SYCP2L: variants seen among roughly 807,000 people sequenced by gnomAD.
SYCP2L encodes synaptonemal complex protein 2-like.
In SYCP2L, 98 loss-of-function variants were observed where a neutral mutation model predicts 125.8. The observed-to-expected ratio is 0.78, with a 90% CI of 0.66 to 0.92. The LOEUF (loss-of-function observed/expected upper bound fraction) is 0.92. Ranked by LOEUF, SYCP2L falls within the 40% of genes least tolerant of loss-of-function variation. The pLI, the probability that SYCP2L is intolerant of heterozygous loss-of-function variation, is 0.00. For missense variants in SYCP2L, 842 were observed against 936.4 expected, an observed-to-expected ratio of 0.90 and a Z score of 1.32; for synonymous variants, 317 against 325.4, an observed-to-expected ratio of 0.97 and a Z score of 0.28.
intron 14 of SYCP2L, among the ~76,000 whole-genome samples, chr6:10,913,564 G>A (rs1257893347): frequency 6.6e-6 from 1 of 151,900 alleles, no homozygotes; most frequent in Non-Finnish European, 1.5e-5. Context: ...CTTTTGGATG[G>A]GATTTTTTTT....
chr6:10,946,427 T>C (rs908670665), intron 23 of SYCP2L, among the ~76,000 whole-genome samples: 1 of 152,160 alleles, frequency 6.6e-6, no homozygotes, highest in Non-Finnish European at 1.5e-5. Flanking sequence ...TTTAATTTAG[T>C]GTTACTTTTC....
At chr6:10,905,638 A>T (rs533789356) in intron 8 of SYCP2L, among the ~76,000 whole-genome samples, 1 of 152,212 alleles carries the variant, frequency 6.6e-6, no homozygotes, top group African/African-American at 2.4e-5. Context: ...GGAAAGAATC[A>T]CTGTCGTATC....
chr6:10,938,003 A>G (rs570185991), intron 21 of SYCP2L, among the ~76,000 whole-genome samples: 8 of 152,194 alleles, frequency 5.3e-5, no homozygotes, highest in Non-Finnish European at 8.8e-5. Context: ...ATTAATGCCA[A>G]TCCTTTTCAA....
chr6:10,909,302 AT>A (rs1256212337), intron 10 of SYCP2L, among the ~76,000 whole-genome samples: 2 of 151,260 alleles, frequency 1.3e-5, no homozygotes, highest in African/African-American at 4.9e-5. Flanking sequence ...CTAATTTTGT[AT>A]TTTTAGTAGA....
intron 8 of SYCP2L, among the ~76,000 whole-genome samples, chr6:10,904,529 T>C (rs1009169810): frequency 6.6e-6 from 1 of 152,350 alleles, no homozygotes; most frequent in East Asian, 1.9e-4. Context: ...TTTAATACGT[T>C]AGTGAAATCA....
Position 10,912,743 on chromosome 6 carries a change from C to T in SYCP2L, c.989C>T (p.Thr330Ile). 1 of 1,613,754 alleles carries T rather than the reference C, an allele frequency of 6.2e-7. No homozygotes were observed. The highest frequency in any genetic ancestry group is 8.5e-7 in the Non-Finnish European group (1 of 1,179,880). ...TTCAACCTAGGAAGTCAGAGTGTCA[C>T]TTTTTATATAGACAATGCTGAGGTA... ...IDFNLGSQSV[T>I]FYIDNAENTL... is the part of the protein sequence containing the mutation. Residue 330 changes from threonine to isoleucine, a missense_variant, in exon 13 of 30, where the codon ACT (threonine) becomes ATT (isoleucine). By Grantham distance (89) the Thr-to-Ile change is moderately conservative. Transcript: ENST00000283141. This position sits in a 1 kb window ranked among gnomAD's most constrained non-coding sequence, Gnocchi z 4.1.
chr6:10,930,508 T>C lies in SYCP2L; in HGVS notation c.1627T>C (p.Leu543=). 1 of 1,609,816 alleles carries C rather than the reference T, an allele frequency of 6.2e-7. No homozygotes were observed. Among genetic ancestry groups the C allele is most frequent in the South Asian group, 1.1e-5 (1 of 90,068 alleles). ...SRKKTRTRSN[L]RILPVFPPSS... ...AAAGAAGACAAGAACCAGAAGTAAT[T>C]TGAGAAGTAAGTCTGGCATGTCTTC... The change falls in exon 19 of 30, where the codon TTG becomes CTG. Residue 543 remains leucine, a synonymous_variant. Coordinates refer to ENST00000283141, the MANE Select transcript of SYCP2L (RefSeq NM_001040274.3).
rs191848438 is a variant in SYCP2L at position 10,890,178 on chromosome 6, G to A, written c.10-1335G>A. ...GAATAGCGCTGCAGTAAACATGGGAGTGCAGATATGCCTTTGACATACTGA... is the reference window on the plus strand; with the variant it reads ...GAATAGCGCTGCAGTAAACATGGGAATGCAGATATGCCTTTGACATACTGA... On this transcript the variant is annotated intron_variant, in intron 1 of 29. Coordinates refer to ENST00000283141, the MANE Select transcript of SYCP2L (RefSeq NM_001040274.3). 1.4e-4 allele frequency among the ~76,000 whole-genome samples: 22 copies of A among 152,340 alleles called. No homozygotes were observed. The East Asian group carries it at 3.5e-3, about 24-fold the overall frequency.
At chr6:10,955,709 G>A (rs72823365) in intron 24 of SYCP2L, among the ~76,000 whole-genome samples, 1 of 152,278 alleles carries the variant, frequency 6.6e-6, no homozygotes, top group Non-Finnish European at 1.5e-5. Context: ...GAGCATGCAA[G>A]ACTTATGCAA....
At chr6:10,943,927 A>G (rs183972772) in intron 23 of SYCP2L, among the ~76,000 whole-genome samples, 1 of 152,292 alleles carries the variant, frequency 6.6e-6, no homozygotes, top group African/African-American at 2.4e-5. Context: ...ACATGAAAAT[A>G]CCATATTTAA....
intron 15 of SYCP2L, among the ~76,000 whole-genome samples, chr6:10,925,723 C>A (rs1380702001): frequency 6.6e-6 from 1 of 151,944 alleles, no homozygotes; most frequent in African/African-American, 2.4e-5. Flanking sequence ...GGTCTTTTTA[C>A]AAAAAGGCCA....
chr6:10,958,736 T>A (rs1213685354), intron 25 of SYCP2L, 48 bp from the exon 26 acceptor site: 1 of 1,529,920 alleles, frequency 6.5e-7, no homozygotes, highest in Admixed American at 1.9e-5. Flanking sequence ...ACTCAACTTA[T>A]GTAATTATAT....
At chr6:10,910,052 A>G (rs780639173) in intron 10 of SYCP2L, 96 bp from the exon 11 acceptor site, 6 of 944,668 alleles carry the variant, frequency 6.4e-6, no homozygotes, top group South Asian at 1.5e-5. Context: ...CCTCCTGGTC[A>G]TTTAGAAGCA....
At chr6:10,894,645 C>A (rs1303965609) in intron 4 of SYCP2L, among the ~76,000 whole-genome samples, 1 of 152,168 alleles carries the variant, frequency 6.6e-6, no homozygotes, top group African/African-American at 2.4e-5. Context: ...TCTGAAAAAA[C>A]AAATAGCAGA....
At chr6:10,888,990 T>C (rs1280695896) in intron 1 of SYCP2L, among the ~76,000 whole-genome samples, 1 of 152,006 alleles carries the variant, frequency 6.6e-6, no homozygotes, top group Non-Finnish European at 1.5e-5. Flanking sequence ...GCCTCACGAG[T>C]AGCTGGGTCT....
At chr6:10,933,562 C>G (rs1781036648) in intron 20 of SYCP2L, among the ~76,000 whole-genome samples, 1 of 152,150 alleles carries the variant, frequency 6.6e-6, no homozygotes, top group Non-Finnish European at 1.5e-5. Context: ...ATGTGCCAGT[C>G]TAGACCACAC....
In SYCP2L at chr6:10,962,725, G is replaced by T. The variant is rs111981329; in HGVS notation, c.2415-1057G>T. ...TATGACTTTTCAGAACAAGAAGCATGTGGGAAGAATAGCATTGCTTCATGT... is the reference window on the plus strand; with the variant it reads ...TATGACTTTTCAGAACAAGAAGCATTTGGGAAGAATAGCATTGCTTCATGT... On this transcript the variant is annotated intron_variant, in intron 28 of 29. Transcript: ENST00000283141. Among the ~76,000 whole-genome samples the T allele has an allele frequency of 2.4e-3, 370 of 152,302 alleles. 1 individual carries two copies. The highest frequency in any genetic ancestry group is 8.5e-3 in the African/African-American group (352 of 41,556).
intron 6 of SYCP2L, 67 bp from the exon 7 acceptor site, chr6:10,902,610 C>A: frequency 1.5e-6 from 2 of 1,332,524 alleles, no homozygotes; most frequent in African/African-American, 1.5e-5. Context: ...AAAGCTCTGA[C>A]CGTGTGTAGG....
chr6:10,927,196 C>T (rs374335218), intron 16 of SYCP2L, 44 bp from the exon 17 acceptor site: 25 of 1,608,070 alleles, frequency 1.6e-5, no homozygotes, highest in Non-Finnish European at 1.8e-5. Context: ...AGTATGTCAG[C>T]GTGTGCACGG....
Sources: allele counts gnomAD v4.1 joint callset (sites outside exome capture counted in the v4.1 genomes callset), GRCh38; gene constraint gnomAD v4.1.1; non-coding constraint Gnocchi (gnomAD v3.1); transcripts MANE v1.5; gene names NCBI Gene and HGNC (gene_info 2026-07-23, HGNC 2026-07-21).